The following PDSS2 variants were observed in gnomAD, a reference collection of about 807,000 sequenced individuals.
PDSS2 encodes all trans-polyprenyl-diphosphate synthase PDSS2.
Under a neutral mutation model 44.5 loss-of-function variants are expected in PDSS2, and 31 were observed. That is an observed-to-expected ratio of 0.70 (90% confidence interval 0.52 to 0.94). PDSS2 has a LOEUF of 0.94. Among genes scored for constraint, PDSS2 ranks in the 40% least tolerant of loss-of-function variants. PDSS2 has a pLI of 0.00. For missense variants in PDSS2, 452 were observed against 482.2 expected (o/e 0.94, Z 0.59); for synonymous variants, 157 against 180.3 (o/e 0.87, Z 1.03).
intron 2 of PDSS2, among the ~76,000 whole-genome samples, chr6:107,326,988 C>G (rs1269433196): frequency 6.6e-6 from 1 of 152,184 alleles, no homozygotes; most frequent in Admixed American, 6.5e-5. Context: ...CATTCAATTA[C>G]TCATTTAATG....
intron 4 of PDSS2, among the ~76,000 whole-genome samples, chr6:107,231,505 A>T (rs1774049681): frequency 6.6e-6 from 1 of 152,178 alleles, no homozygotes; most frequent in African/African-American, 2.4e-5. Flanking sequence ...ACGCTCCTCC[A>T]GCTGGTCTCT....
intron 1 of PDSS2, among the ~76,000 whole-genome samples, chr6:107,382,479 T>G (rs1381142758): frequency 1.3e-5 from 2 of 152,084 alleles, no homozygotes; most frequent in Non-Finnish European, 2.9e-5. Flanking sequence ...ATAAAGACAG[T>G]ATAATAATGG....
chr6:107,448,593 G>A (rs1247085267), intron 1 of PDSS2, among the ~76,000 whole-genome samples: 1 of 152,166 alleles, frequency 6.6e-6, no homozygotes, highest in Non-Finnish European at 1.5e-5. Flanking sequence ...TCTCTAGGAA[G>A]TTCCAAACTT....
chr6:107,162,482 G>A lies in PDSS2; in HGVS notation c.1042-7705C>T, dbSNP rs1438968013. ...CACTTCAGCCTGGGTGACAGAGTGA[G>A]TGAGACCATCTCAAAAAAAAAAAAA... is the stretch of plus-strand genomic sequence containing the variant. On this transcript the variant is annotated intron_variant, in intron 7 of 7. Coordinates refer to ENST00000369037, the MANE Select transcript of PDSS2 (RefSeq NM_020381.4). Among the ~76,000 whole-genome samples the A allele has an allele frequency of 2.8e-5, 3 of 108,224 alleles. No individual in the cohort carries two copies. The East Asian group carries it at 8.5e-4, about 31-fold the overall frequency. The allele number at this position is 108,224 out of a possible 152,430, so 71.0% of individuals were successfully genotyped here. A position where few individuals can be genotyped will look rare whatever the true frequency, so the allele number is the denominator to read the frequency against.
chr6:107,180,912 C>T (rs1384194574), intron 7 of PDSS2, among the ~76,000 whole-genome samples: 2 of 152,020 alleles, frequency 1.3e-5, no homozygotes, highest in Admixed American at 6.6e-5. Context: ...AATGCAGGGG[C>T]GCAATAACCG....
At chr6:107,444,476 A>C (rs1028441217) in intron 1 of PDSS2, among the ~76,000 whole-genome samples, 1 of 152,176 alleles carries the variant, frequency 6.6e-6, no homozygotes, top group Non-Finnish European at 1.5e-5. Context: ...CATGATTACT[A>C]TACTGTCTCT....
At chr6:107,423,794 C>T (rs1176097824) in intron 1 of PDSS2, among the ~76,000 whole-genome samples, 1 of 152,124 alleles carries the variant, frequency 6.6e-6, no homozygotes, top group African/African-American at 2.4e-5. Context: ...TAACATAATA[C>T]TACCACTCCT....
chr6:107,175,922 C>T (rs1339536129), intron 7 of PDSS2, among the ~76,000 whole-genome samples: 1 of 152,190 alleles, frequency 6.6e-6, no homozygotes, highest in African/African-American at 2.4e-5. Context: ...CCTTAACTAA[C>T]CAAAACTTAT....
intron 1 of PDSS2, among the ~76,000 whole-genome samples, chr6:107,337,915 G>C (rs1777956641): frequency 6.6e-6 from 1 of 152,104 alleles, no homozygotes; most frequent in African/African-American, 2.4e-5. Context: ...AAGCTGTAAT[G>C]AACTGGGTGA....
At chr6:107,366,384 A>C (rs1419583650) in intron 1 of PDSS2, among the ~76,000 whole-genome samples, 1 of 152,160 alleles carries the variant, frequency 6.6e-6, no homozygotes. Context: ...CTACAGGAGT[A>C]CTTAGAGGAA....
At chr6:107,301,063 C>T (rs1776677800) in intron 2 of PDSS2, among the ~76,000 whole-genome samples, 1 of 152,052 alleles carries the variant, frequency 6.6e-6, no homozygotes. Context: ...GATTTTCATC[C>T]GAGTGAACAC....
chr6:107,198,468 C>T (rs1772644360), intron 6 of PDSS2, among the ~76,000 whole-genome samples: 1 of 152,160 alleles, frequency 6.6e-6, no homozygotes, highest in South Asian at 2.1e-4. Context: ...TCATTTTACT[C>T]TTGATCACTT....
chr6:107,303,040 G>A (rs1397997562), intron 2 of PDSS2, among the ~76,000 whole-genome samples: 2 of 152,090 alleles, frequency 1.3e-5, no homozygotes, highest in African/African-American at 2.4e-5. Flanking sequence ...GAGTATCACA[G>A]ACTGAGTAAT....
rs569614856 is a variant in PDSS2 at position 107,194,613 on chromosome 6, T to A, written c.1009-759A>T. Among the ~76,000 whole-genome samples, 32 of 152,348 alleles carry A rather than the reference T, an allele frequency of 2.1e-4. 2 individuals carry two copies. The highest frequency in any genetic ancestry group is 7.2e-4 in the African/African-American group (30 of 41,590). On this transcript the variant is annotated intron_variant, in intron 6 of 7. Transcript: ENST00000369037. ...TTATGTGGAAATATTACATACTCCA[T>A]CAATTCAGGAGGCACAAAATGTCAG...
chr6:107,216,601 G>A (rs1023497962), intron 4 of PDSS2, among the ~76,000 whole-genome samples: 8 of 152,148 alleles, frequency 5.3e-5, no homozygotes, highest in East Asian at 1.9e-4. Context: ...AAGATAACTC[G>A]AATGAATATA....
At chr6:107,289,421 T>A (rs76249639) in intron 2 of PDSS2, among the ~76,000 whole-genome samples, 27,810 of 149,418 alleles carry the variant, frequency 0.19, 2,759 homozygotes, top group African/African-American at 0.23. Context: ...CCAGGTGCAG[T>A]GGCTCATGCC....
intron 1 of PDSS2, among the ~76,000 whole-genome samples, chr6:107,385,750 T>A (rs552440414): frequency 1.9e-4 from 29 of 152,140 alleles, no homozygotes; most frequent in African/African-American, 5.8e-4. Context: ...TTTTTTTTTT[T>A]AAATAAAATA....
chr6:107,208,161 T>C (rs987163344), intron 6 of PDSS2, among the ~76,000 whole-genome samples: 1 of 150,678 alleles, frequency 6.6e-6, no homozygotes, highest in Non-Finnish European at 1.5e-5. Flanking sequence ...TAATTTTTTG[T>C]ATTTAGTAGA....
chr6:107,378,544 G>C (rs1019499417), intron 1 of PDSS2, among the ~76,000 whole-genome samples: 1 of 152,088 alleles, frequency 6.6e-6, no homozygotes, highest in Non-Finnish European at 1.5e-5. Context: ...CCAGCACTTT[G>C]GGAGGCCAAG....
Sources: allele counts gnomAD v4.1 joint callset (sites outside exome capture counted in the v4.1 genomes callset), GRCh38; gene constraint gnomAD v4.1.1; transcripts MANE v1.5; gene names NCBI Gene and HGNC (gene_info 2026-07-23, HGNC 2026-07-21).